FGF14: variants seen among roughly 807,000 people sequenced by gnomAD.
The protein encoded by FGF14 is fibroblast growth factor homologous factor 4.
Under a neutral mutation model 25.5 loss-of-function variants are expected in FGF14, and 5 were observed. The ratio of observed to expected loss-of-function variants is 0.20; its 90% CI spans 0.10 to 0.41. FGF14 has a LOEUF of 0.41. FGF14 is among the 10% of genes least tolerant of loss of function. The pLI, the probability that FGF14 is intolerant of heterozygous loss-of-function variation, is 1.00. For synonymous variants in FGF14, 138 were observed against 118.3 expected, an observed-to-expected ratio of 1.17 and a Z score of -1.08; for missense variants, 222 against 320.1, an observed-to-expected ratio of 0.69 and a Z score of 2.34.
At chr13:102,144,463 T>G (rs1286383253) in intron 1 of FGF14, among the ~76,000 whole-genome samples, 1 of 152,012 alleles carries the variant, frequency 6.6e-6, no homozygotes, top group East Asian at 1.9e-4. Context: ...TACATCAAAT[T>G]TATATTAAAT....
intron 1 of FGF14, among the ~76,000 whole-genome samples, chr13:101,912,425 G>A (rs921964342): frequency 1.3e-5 from 2 of 152,052 alleles, no homozygotes; most frequent in Admixed American, 6.6e-5. Flanking sequence ...GAACAATTAT[G>A]GTTCTTGTTT....
intron 3 of FGF14, among the ~76,000 whole-genome samples, chr13:101,797,141 A>G (rs2040573694): frequency 6.7e-6 from 1 of 150,100 alleles, no homozygotes; most frequent in Non-Finnish European, 1.5e-5. Context: ...GTGTGCAAAC[A>G]CAGTTGTTGT....
At chr13:102,071,858 T>C (rs563495448) in intron 1 of FGF14, among the ~76,000 whole-genome samples, 2 of 152,230 alleles carry the variant, frequency 1.3e-5, no homozygotes, top group Admixed American at 6.5e-5. Context: ...TCCTGAAAAA[T>C]TGTAATAGAC....
chr13:102,148,318 A>C (rs545187867), intron 1 of FGF14, among the ~76,000 whole-genome samples: 6 of 152,326 alleles, frequency 3.9e-5, no homozygotes, highest in Admixed American at 1.3e-4. Context: ...TGTATTGATT[A>C]TATACAAGAA....
chr13:102,131,869 C>T (rs574547571), intron 1 of FGF14, among the ~76,000 whole-genome samples: 218 of 152,202 alleles, frequency 1.4e-3, no homozygotes, highest in African/African-American at 4.8e-3. Flanking sequence ...GATCAAATAA[C>T]GTGAGATTCA....
intron 1 of FGF14, among the ~76,000 whole-genome samples, chr13:102,057,145 T>C (rs2042468841): frequency 6.6e-6 from 1 of 152,056 alleles, no homozygotes; most frequent in South Asian, 2.1e-4. Flanking sequence ...AGTAATGATA[T>C]AATTGTTTAT....
chr13:102,126,273 A>G (rs896275805), intron 1 of FGF14, among the ~76,000 whole-genome samples: 1 of 152,142 alleles, frequency 6.6e-6, no homozygotes, highest in Non-Finnish European at 1.5e-5. Context: ...TTAGGTCTCT[A>G]TGAATTTCCC....
At chr13:102,329,857 C>G (rs879670091) in intron 1 of FGF14, among the ~76,000 whole-genome samples, 1 of 152,086 alleles carries the variant, frequency 6.6e-6, no homozygotes, top group Non-Finnish European at 1.5e-5. Context: ...CTTATGCCCT[C>G]ACTTCTCAGC....
At chr13:102,357,086 G>A (rs898413936) in intron 1 of FGF14, among the ~76,000 whole-genome samples, 1 of 150,316 alleles carries the variant, frequency 6.7e-6, no homozygotes, top group Non-Finnish European at 1.5e-5. Context: ...TAAAATCTGA[G>A]CTGTTTAATT....
rs748248716 is a variant in FGF14 at position 101,916,692 on chromosome 13, C to T, written c.-47G>A. 25 of 1,441,946 alleles carry T rather than the reference C, an allele frequency of 1.7e-5. No homozygotes were observed. Among genetic ancestry groups the T allele is most frequent in the Middle Eastern group, 2.2e-4 (1 of 4,456 alleles). The allele number at this position is 1,441,946 out of a possible 1,614,324, so 89.3% of individuals were successfully genotyped here. A position where few individuals can be genotyped will look rare whatever the true frequency, so the allele number is the denominator to read the frequency against. The stretch of plus-strand genomic sequence containing the variant: ...GGGGAGGGAGGGCGCGGGAGGACGG[C>T]GAGCCGGGGGCACCGGAGGGGAAGG... On this transcript the variant is annotated 5_prime_UTR_variant, in exon 1 of 5. Coordinates refer to ENST00000376143, the MANE Select transcript of FGF14 (RefSeq NM_004115.4).
At chr13:101,981,238 T>C (rs2038242212) in intron 1 of FGF14, among the ~76,000 whole-genome samples, 1 of 151,430 alleles carries the variant, frequency 6.6e-6, no homozygotes, top group Admixed American at 6.6e-5. Context: ...CGAGATTGCG[T>C]CATTGCACTC....
At chr13:102,132,816 C>T (rs1971227) in intron 1 of FGF14, among the ~76,000 whole-genome samples, 36,093 of 152,042 alleles carry the variant, frequency 0.24, 5,523 homozygotes, top group East Asian at 0.85. Context: ...CCCCTGCACC[C>T]GGCCCTTAAG....
intron 1 of FGF14, among the ~76,000 whole-genome samples, chr13:102,153,232 T>C (rs1301573143): frequency 6.6e-6 from 1 of 152,250 alleles, no homozygotes; most frequent in African/African-American, 2.4e-5. Context: ...TGCTGCTCTG[T>C]TGTTCTGTTG....
At position 101,749,775 on chromosome 13, in the gene FGF14, T is replaced by C. The variant is rs1488902688; in HGVS notation, c.409-22965A>G. ...TGAAAAATACAGTCCAACTGAGAGCTTCCTATCAGATAGTTTAAAAAATTA... is the reference window on the plus strand; with the variant it reads ...TGAAAAATACAGTCCAACTGAGAGCCTCCTATCAGATAGTTTAAAAAATTA... On this transcript the variant is annotated intron_variant, in intron 3 of 4. Coordinates refer to ENST00000376143, the MANE Select transcript of FGF14 (RefSeq NM_004115.4). Among the ~76,000 whole-genome samples, 3 of 152,120 alleles carry C rather than the reference T, an allele frequency of 2.0e-5. No homozygotes were observed. The East Asian group carries it at 5.8e-4, about 29-fold the overall frequency.
chr13:102,262,302 T>C (rs2052756916), intron 1 of FGF14, among the ~76,000 whole-genome samples: 1 of 152,180 alleles, frequency 6.6e-6, no homozygotes. Context: ...GTTTGCTATC[T>C]ACAATGGAAA....
At chr13:101,827,724 A>G (rs1028048496) in intron 3 of FGF14, among the ~76,000 whole-genome samples, 39 of 152,016 alleles carry the variant, frequency 2.6e-4, no homozygotes, top group African/African-American at 9.4e-4. Flanking sequence ...TGGAAACCAC[A>G]ATTATGAAAC....
At chr13:101,977,711 G>C (rs1011811102) in intron 1 of FGF14, among the ~76,000 whole-genome samples, 1 of 152,156 alleles carries the variant, frequency 6.6e-6, no homozygotes, top group Non-Finnish European at 1.5e-5. Context: ...ACAGACGGCA[G>C]ATTGGCAAAA....
At chr13:102,089,704 A>G (rs1303498788) in intron 1 of FGF14, among the ~76,000 whole-genome samples, 1 of 152,180 alleles carries the variant, frequency 6.6e-6, no homozygotes, top group African/African-American at 2.4e-5. Context: ...TGACTTTTTG[A>G]GCACAATTCT....
At chr13:102,086,987 T>A (rs372207783) in intron 1 of FGF14, among the ~76,000 whole-genome samples, 313 of 152,308 alleles carry the variant, frequency 2.1e-3, no homozygotes, top group Non-Finnish European at 3.4e-3. Context: ...TCTTTCTGTA[T>A]TACCTGGAAG....
Sources: allele counts gnomAD v4.1 joint callset (sites outside exome capture counted in the v4.1 genomes callset), GRCh38; gene constraint gnomAD v4.1.1; transcripts MANE v1.5; gene names NCBI Gene and HGNC (gene_info 2026-07-23, HGNC 2026-07-21).